VWA8: variants seen among roughly 807,000 people sequenced by gnomAD.
VWA8 encodes von Willebrand factor A domain containing 8, also known as von Willebrand factor A domain-containing protein 8.
VWA8 carries 221 observed loss-of-function variants against 241.5 expected under a neutral mutation model. That is an observed-to-expected ratio of 0.91 (90% confidence interval 0.82 to 1.02). VWA8 has a LOEUF of 1.02. VWA8 is among the 50% of genes least tolerant of loss of function. The pLI is 0.00. For synonymous variants in VWA8, 852 were observed against 827.1 expected (o/e 1.03, Z -0.52); for missense variants, 2,322 against 2,328.7 (o/e 1.00, Z 0.06).
intron 29 of VWA8, among the ~76,000 whole-genome samples, chr13:41,694,169 T>C (rs1555320626): frequency 2.0e-5 from 3 of 151,992 alleles, no homozygotes; most frequent in Non-Finnish European, 1.5e-5. Context: ...TGTCATATAA[T>C]TTAGTTAGAG....
intron 37 of VWA8, among the ~76,000 whole-genome samples, chr13:41,644,568 G>A (rs2044818698): frequency 6.6e-6 from 1 of 152,232 alleles, no homozygotes; most frequent in Non-Finnish European, 1.5e-5. Context: ...GTTAACTGGT[G>A]TGTCTACATG....
chr13:41,701,547 A>T lies in VWA8; in HGVS notation c.3226-17T>A, dbSNP rs748904522. Reference sequence around the variant, plus strand: ...TGCTGGACCCTATAATAAAGCAGTTATCTCAGTTAAGATATTTTGGTTGTC... The same window carrying T: ...TGCTGGACCCTATAATAAAGCAGTTTTCTCAGTTAAGATATTTTGGTTGTC... On this transcript the variant is annotated splice_polypyrimidine_tract_variant and intron_variant, in intron 27 of 44. Coordinates refer to ENST00000379310, the MANE Select transcript of VWA8 (RefSeq NM_015058.2). The T allele has an allele frequency of 1.3e-6, 2 of 1,530,036 alleles. No homozygotes were observed. The highest frequency in any genetic ancestry group is 1.7e-6 in the Non-Finnish European group (2 of 1,143,566). The allele number at this position is 1,530,036 out of a possible 1,614,324, so 94.8% of individuals were successfully genotyped here.
At chr13:41,645,253 G>T (rs972282780) in intron 37 of VWA8, among the ~76,000 whole-genome samples, 1 of 152,166 alleles carries the variant, frequency 6.6e-6, no homozygotes, top group Non-Finnish European at 1.5e-5. Flanking sequence ...AGTGAAAAAG[G>T]TACTGCTTAG....
At chr13:41,820,965 A>G (rs1020928899) in intron 14 of VWA8, among the ~76,000 whole-genome samples, 6 of 152,224 alleles carry the variant, frequency 3.9e-5, no homozygotes, top group African/African-American at 1.4e-4. Context: ...TTGGCTACCC[A>G]AAATTAAAGC....
rs759197672 is a variant in VWA8, at chr13:41,721,532, G to C, written c.2802C>G (p.His934Gln). ...SCHAVDNPKP[H>Q]SELEMLRQYG... ...ACTGTCTGAGCATCTCGAGCTCCGA[G>C]TGGGGTTTGGGGTTATCAACTGCAT... Residue 934 changes from histidine (H) to glutamine (Q), a missense_variant, in exon 25 of 45, where the codon CAC (histidine) becomes CAG (glutamine). Coordinates refer to ENST00000379310, the MANE Select transcript of VWA8 (RefSeq NM_015058.2). 4 of 1,613,754 alleles carry C rather than the reference G, an allele frequency of 2.5e-6. No individual in the cohort carries two copies. Among genetic ancestry groups the C allele is most frequent in the Middle Eastern group, 1.7e-4 (1 of 6,056 alleles).
intron 17 of VWA8, among the ~76,000 whole-genome samples, chr13:41,790,687 A>G (rs919996572): frequency 6.6e-6 from 1 of 151,966 alleles, no homozygotes; most frequent in Non-Finnish European, 1.5e-5. Flanking sequence ...AGAGACCTCT[A>G]ATTAATTTTT....
intron 37 of VWA8, among the ~76,000 whole-genome samples, chr13:41,668,221 T>C (rs1165458021): frequency 6.6e-6 from 1 of 152,174 alleles, no homozygotes; most frequent in Non-Finnish European, 1.5e-5. Context: ...TGCCCAGCCC[T>C]CACTGCTGAC....
intron 2 of VWA8, among the ~76,000 whole-genome samples, chr13:41,946,988 A>G (rs546748742): frequency 1.1e-4 from 17 of 152,196 alleles, no homozygotes; most frequent in Non-Finnish European, 2.1e-4. Flanking sequence ...GTGATGTCTG[A>G]TCACCCCAGC....
chr13:41,690,088 T>A, intron 33 of VWA8, 78 bp downstream of exon 33: 1 of 1,283,128 alleles, frequency 7.8e-7, no homozygotes, highest in Admixed American at 2.4e-5. Flanking sequence ...GGTGTTTTGT[T>A]CTTAAATGAT....
At chr13:41,941,600 TA>T (rs1877601462) in intron 2 of VWA8, among the ~76,000 whole-genome samples, 3 of 152,310 alleles carry the variant, frequency 2.0e-5, no homozygotes, top group African/African-American at 7.2e-5. Context: ...AAATGAAGAC[TA>T]AAATATTTTT....
chr13:41,914,450 T>C (rs1425382769), intron 2 of VWA8, among the ~76,000 whole-genome samples: 1 of 152,214 alleles, frequency 6.6e-6, no homozygotes, highest in South Asian at 2.1e-4. Flanking sequence ...TATTTTCTTT[T>C]CTACTTGAAG....
At chr13:41,778,159 TAAAC>T in intron 19 of VWA8, 103 bp from the exon 20 acceptor site, 1 of 665,488 alleles carries the variant, frequency 1.5e-6, no homozygotes, top group Middle Eastern at 4.5e-4. Flanking sequence ...TCTATTATAA[TAAAC>T]AATTATCAAT....
At chr13:41,908,928 G>A (rs976094466) in intron 3 of VWA8, among the ~76,000 whole-genome samples, 3 of 152,148 alleles carry the variant, frequency 2.0e-5, no homozygotes, top group Middle Eastern at 3.2e-3. Flanking sequence ...TGCCATACAA[G>A]GGGATTTTTT....
intron 43 of VWA8, among the ~76,000 whole-genome samples, chr13:41,574,174 TA>T (rs59813167): frequency 0.025 from 3,474 of 137,168 alleles, 44 homozygotes; most frequent in East Asian, 0.066. Flanking sequence ...AAGTTTTCTG[TA>T]AAAAAAAAAA....
chr13:41,585,334 C>T (rs1476785183), intron 42 of VWA8, among the ~76,000 whole-genome samples: 1 of 152,174 alleles, frequency 6.6e-6, no homozygotes, highest in Non-Finnish European at 1.5e-5. Context: ...GTAACTTTGC[C>T]ACCTTCTTCC....
chr13:41,832,407 G>A (rs1419071279), intron 13 of VWA8, among the ~76,000 whole-genome samples: 1 of 152,190 alleles, frequency 6.6e-6, no homozygotes, highest in Non-Finnish European at 1.5e-5. Flanking sequence ...TACCGTGTCT[G>A]CAGTGGTCTG....
At position 41,886,819 on chromosome 13, in the gene VWA8, C is replaced by T; in HGVS notation, c.828G>A (p.Lys276=). 6.3e-7 allele frequency: 1 copy of T among 1,590,772 alleles called. No individual in the cohort carries two copies. Among genetic ancestry groups the T allele is most frequent in the Non-Finnish European group, 8.5e-7 (1 of 1,171,812 alleles). The change falls in exon 7 of 45, where the codon AAG becomes AAA. Residue 276 remains lysine (K), a synonymous_variant. Coordinates refer to ENST00000379310, the MANE Select transcript of VWA8 (RefSeq NM_015058.2). Reference sequence around the variant, plus strand: ...CATTGGCTCCAATTGAATATAACAACTTAAGTTGGTCCTAAAGTAATACAG... The same window carrying T: ...CATTGGCTCCAATTGAATATAACAATTTAAGTTGGTCCTAAAGTAATACAG... ...IYYLPFKDQL[K]LLYSIGANVS... is the part of the protein sequence containing the mutation.
intron 37 of VWA8, among the ~76,000 whole-genome samples, chr13:41,622,758 G>A (rs2044665397): frequency 6.6e-6 from 1 of 152,140 alleles, no homozygotes; most frequent in South Asian, 2.1e-4. Context: ...GTAATTCTGG[G>A]CAAGGCCCAT....
chr13:41,594,334 T>C (rs1251326771), intron 40 of VWA8, among the ~76,000 whole-genome samples: 1 of 151,992 alleles, frequency 6.6e-6, no homozygotes, highest in Non-Finnish European at 1.5e-5. Flanking sequence ...CTTGCTATAT[T>C]GCCCAGGTTG....
Sources: allele counts gnomAD v4.1 joint callset (sites outside exome capture counted in the v4.1 genomes callset), GRCh38; gene constraint gnomAD v4.1.1; transcripts MANE v1.5; gene names NCBI Gene and HGNC (gene_info 2026-07-23, HGNC 2026-07-21).